Variants in EFCAB8 observed in about 807,000 individuals in gnomAD.
EFCAB8 encodes EF-hand calcium-binding domain-containing protein 8.
In EFCAB8, 100 loss-of-function variants were observed where a neutral mutation model predicts 116.3. The observed-to-expected ratio is 0.86, with a 90% CI of 0.73 to 1.02. EFCAB8 has a LOEUF of 1.02. EFCAB8 is among the 50% of genes least tolerant of loss of function. EFCAB8 has a pLI of 0.00. For missense variants in EFCAB8, 1,320 were observed against 1,416.9 expected (o/e 0.93, Z 1.10); for synonymous variants, 558 against 567.9 (o/e 0.98, Z 0.25).
At chr20:32,910,997 C>A (rs1986894201) in intron 15 of EFCAB8, among the ~76,000 whole-genome samples, 1 of 152,144 alleles carries the variant, frequency 6.6e-6, no homozygotes. Flanking sequence ...CTCAGCCTCC[C>A]AAAGTTTTAG....
At chr20:32,910,624 C>G (rs888026941) in intron 15 of EFCAB8, among the ~76,000 whole-genome samples, 1 of 152,138 alleles carries the variant, frequency 6.6e-6, no homozygotes, top group African/African-American at 2.4e-5. Context: ...CCCTCTCTCA[C>G]TGCCTCAGGG....
intron 20 of EFCAB8, among the ~76,000 whole-genome samples, chr20:32,928,245 T>A (rs183187908): frequency 4.8e-4 from 67 of 140,996 alleles, no homozygotes; most frequent in Middle Eastern, 3.8e-3. Flanking sequence ...TTTTTATTTT[T>A]TTTTTTTTGA....
chr20:32,933,453 C>G (rs142198932), intron 22 of EFCAB8, among the ~76,000 whole-genome samples: 1,786 of 152,316 alleles, frequency 0.012, 36 homozygotes, highest in African/African-American at 0.041. Flanking sequence ...TACCACCTCA[C>G]TTACAATTTT....
At chr20:32,896,336 G>T (rs901082940) in intron 9 of EFCAB8, 118 bp from the exon 10 acceptor site, 8 of 647,818 alleles carry the variant, frequency 1.2e-5, no homozygotes, top group Non-Finnish European at 2.3e-5. Context: ...GGTTTGGGTG[G>T]AAAAGCCTTT....
intron 22 of EFCAB8, among the ~76,000 whole-genome samples, chr20:32,940,025 CT>C (rs1364040982): frequency 0.11 from 5,827 of 54,638 alleles, 1,126 homozygotes; most frequent in African/African-American, 0.27. Flanking sequence ...CCCTCCCTCC[CT>C]TCCTTCCTTC....
chr20:32,961,242 G>GCCTGGTGGCCCACCATGTCCAGAAGGA lies in EFCAB8; in HGVS notation c.3508_3534dup (p.Ala1170_Val1178dup). 1 of 1,551,514 alleles carries GCCTGGTGGCCCACCATGTCCAGAAGGA rather than the reference G, an allele frequency of 6.4e-7. No homozygotes were observed. The highest frequency in any genetic ancestry group is 8.7e-7 in the Non-Finnish European group (1 of 1,146,838). ...CCAGACCAGCAAGACCAGCACATCCGCCTGGTGGCCCACCATGTCCAGAAG... is the reference window on the plus strand; with the variant it reads ...CCAGACCAGCAAGACCAGCACATCCGCCTGGTGGCCCACCATGTCCAGAAGGACCTGGTGGCCCACCATGTCCAGAAG... On this transcript the variant is annotated inframe_insertion, in exon 27 of 27. Coordinates refer to ENST00000400522, the MANE Select transcript of EFCAB8 (RefSeq NM_001143967.2).
At chr20:32,895,313 ATTTTTTTTT>A (rs11353110) in intron 9 of EFCAB8, among the ~76,000 whole-genome samples, 5 of 127,732 alleles carry the variant, frequency 3.9e-5, no homozygotes, top group South Asian at 2.5e-4. Context: ...TTTATTTAAG[ATTTTTTTTT>A]TTTTTTTTTT....
At chr20:32,931,500 T>C (rs1987909750) in intron 22 of EFCAB8, 164 bp downstream of exon 22, 1 of 550,194 alleles carries the variant, frequency 1.8e-6, no homozygotes, top group Admixed American at 6.4e-5. Flanking sequence ...GGCCCACGCC[T>C]GTAATCCCAG....
At chr20:32,883,485 TGTCCA>T (rs1472625666) in intron 5 of EFCAB8, among the ~76,000 whole-genome samples, 1 of 152,214 alleles carries the variant, frequency 6.6e-6, no homozygotes, top group African/African-American at 2.4e-5. Flanking sequence ...CCATGTAGCA[TGTCCA>T]GTTCATATAG....
At chr20:32,876,813 C>A (rs1984999325) in intron 4 of EFCAB8, among the ~76,000 whole-genome samples, 1 of 151,880 alleles carries the variant, frequency 6.6e-6, no homozygotes, top group Admixed American at 6.6e-5. Flanking sequence ...CAAAAAATAC[C>A]AAAAATTAAA....
chr20:32,891,277 A>T (rs2019219), intron 7 of EFCAB8, among the ~76,000 whole-genome samples: 4 of 151,820 alleles, frequency 2.6e-5, no homozygotes, highest in African/African-American at 7.3e-5. Context: ...TTGAAAAAAA[A>T]ATATTGAATT....
intron 1 of EFCAB8, among the ~76,000 whole-genome samples, chr20:32,863,554 CA>C (rs1356297535): frequency 2.6e-5 from 4 of 152,172 alleles, no homozygotes; most frequent in Non-Finnish European, 4.4e-5. Flanking sequence ...TCCTCTCTAT[CA>C]GGGGAAGAAA....
intron 2 of EFCAB8, among the ~76,000 whole-genome samples, chr20:32,864,664 T>C (rs904661079): frequency 6.6e-6 from 1 of 152,162 alleles, no homozygotes; most frequent in Admixed American, 6.5e-5. Context: ...TGGACTCCAC[T>C]TCTCTACTTA....
intron 5 of EFCAB8, among the ~76,000 whole-genome samples, chr20:32,882,401 C>T (rs546118667): frequency 6.6e-6 from 1 of 152,342 alleles, no homozygotes; most frequent in Admixed American, 6.5e-5. Context: ...CCAGCAGCAC[C>T]TCACACAGTT....
chr20:32,928,673 T>A (rs1987767896), intron 20 of EFCAB8, among the ~76,000 whole-genome samples: 1 of 152,200 alleles, frequency 6.6e-6, no homozygotes, highest in Non-Finnish European at 1.5e-5. Flanking sequence ...TAATTTTACT[T>A]CTTTCTTTCC....
intron 5 of EFCAB8, among the ~76,000 whole-genome samples, chr20:32,880,902 T>C (rs1466211073): frequency 6.6e-6 from 1 of 151,938 alleles, no homozygotes; most frequent in Non-Finnish European, 1.5e-5. Flanking sequence ...GCAAAACATA[T>C]ATATATATAA....
intron 2 of EFCAB8, 107 bp downstream of exon 2, chr20:32,863,941 G>A (rs946568191): frequency 7.8e-7 from 1 of 1,277,486 alleles, no homozygotes; most frequent in Non-Finnish European, 1.1e-6. Context: ...CGGGGAGGGG[G>A]TTGCATACTC....
chr20:32,865,853 G>A (rs1347707461), intron 2 of EFCAB8, among the ~76,000 whole-genome samples: 1 of 151,934 alleles, frequency 6.6e-6, no homozygotes, highest in African/African-American at 2.4e-5. Flanking sequence ...GTTGGGAGGT[G>A]GATGGGAAGA....
At chr20:32,898,356 T>C in intron 10 of EFCAB8, 137 bp from the exon 11 acceptor site, 1 of 590,952 alleles carries the variant, frequency 1.7e-6, no homozygotes. Flanking sequence ...CACATCACTT[T>C]GTGATCACTA....
Sources: allele counts gnomAD v4.1 joint callset (sites outside exome capture counted in the v4.1 genomes callset), GRCh38; gene constraint gnomAD v4.1.1; transcripts MANE v1.5; gene names NCBI Gene and HGNC (gene_info 2026-07-23, HGNC 2026-07-21).